Variants in DACH2 observed in about 807,000 individuals in gnomAD.
DACH2 encodes the protein dachshund family transcription factor 2.
A neutral mutation model predicts 35.8 loss-of-function variants in DACH2; 17 were observed. That is an observed-to-expected ratio of 0.48 (90% CI 0.33 to 0.71). DACH2 has a LOEUF of 0.71. DACH2 is among the 30% of genes least tolerant of loss of function. The probability of loss-of-function intolerance (pLI) is 0.02; values close to 1 mark genes in which losing one functional copy is unlikely to be tolerated. For synonymous variants in DACH2, 195 were observed against 177.3 expected (o/e 1.10, Z -0.79); for missense variants, 469 against 472.7 (o/e 0.99, Z 0.07).
chrX:86,554,772 C>T (rs1379251880), intron 3 of DACH2, among the ~76,000 whole-genome samples: 1 of 111,461 alleles, frequency 9.0e-6, no homozygotes, highest in Non-Finnish European at 1.9e-5. Context: ...CATGCTTGCC[C>T]TGCTTATTTC....
intron 4 of DACH2, among the ~76,000 whole-genome samples, chrX:86,685,762 C>T (rs143390393): frequency 1.2e-3 from 133 of 110,321 alleles, no homozygotes; most frequent in African/African-American, 4.1e-3. Flanking sequence ...AGGGTGAGGG[C>T]GAGGTTCCAC....
intron 3 of DACH2, among the ~76,000 whole-genome samples, chrX:86,637,360 A>G (rs2040285951): frequency 9.1e-6 from 1 of 109,367 alleles, no homozygotes; most frequent in African/African-American, 3.3e-5. Flanking sequence ...GACCCAAAAA[A>G]AATATACTAT....
chrX:86,741,058 A>G (rs902136511), intron 7 of DACH2, among the ~76,000 whole-genome samples: 2 of 111,759 alleles, frequency 1.8e-5, no homozygotes, highest in African/African-American at 3.3e-5. Context: ...TCCTTTCAGG[A>G]AAATGATTTT....
At chrX:86,653,315 G>A (rs959496843) in intron 4 of DACH2, among the ~76,000 whole-genome samples, 2 of 111,683 alleles carry the variant, frequency 1.8e-5, no homozygotes, top group African/African-American at 6.5e-5. Context: ...TGTAGTATGC[G>A]GTTTTGTTTA....
intron 2 of DACH2, among the ~76,000 whole-genome samples, chrX:86,413,318 G>A (rs1295423422): frequency 8.9e-6 from 1 of 112,048 alleles, no homozygotes; most frequent in Non-Finnish European, 1.9e-5. Flanking sequence ...TATATTGCTG[G>A]TCTCGCCAGC....
intron 3 of DACH2, among the ~76,000 whole-genome samples, chrX:86,546,854 G>A (rs1280029436): frequency 1.8e-5 from 2 of 109,797 alleles, no homozygotes; most frequent in Non-Finnish European, 3.8e-5. Flanking sequence ...CAGATGCCTC[G>A]TATTTTCAAA....
At chrX:86,538,434 T>C (rs985763847) in intron 3 of DACH2, among the ~76,000 whole-genome samples, 2 of 112,077 alleles carry the variant, frequency 1.8e-5, no homozygotes, top group African/African-American at 6.5e-5. Flanking sequence ...CAGGTACTTG[T>C]TATTAACAAT....
At chrX:86,667,348 A>AGGAAGGAG (rs2040687664) in intron 4 of DACH2, among the ~76,000 whole-genome samples, 1 of 82,551 alleles carries the variant, frequency 1.2e-5, no homozygotes, top group Non-Finnish European at 2.4e-5. Context: ...GAAGGAAGGA[A>AGGAAGGAG]GGAAGGAAGA....
intron 1 of DACH2, among the ~76,000 whole-genome samples, chrX:86,289,676 GT>G (rs1216577012): frequency 3.9e-5 from 4 of 102,915 alleles, no homozygotes; most frequent in Non-Finnish European, 7.8e-5. Flanking sequence ...GCGGTGTTTG[GT>G]TTTTTCTTCT....
chrX:86,297,621 A>C (rs745880939), intron 1 of DACH2, among the ~76,000 whole-genome samples: 2 of 112,105 alleles, frequency 1.8e-5, no homozygotes, highest in Non-Finnish European at 3.8e-5. Flanking sequence ...TAAGTGTGTT[A>C]AATTGGTGAT....
chrX:86,318,058 C>G (rs1000587517), intron 1 of DACH2, among the ~76,000 whole-genome samples: 1 of 112,262 alleles, frequency 8.9e-6, no homozygotes, highest in Non-Finnish European at 1.9e-5. Context: ...TCTTATTGCA[C>G]TGATGCAAAC....
chrX:86,485,478 G>T (rs1261787535), intron 2 of DACH2, among the ~76,000 whole-genome samples: 2 of 111,365 alleles, frequency 1.8e-5, no homozygotes, highest in Non-Finnish European at 3.8e-5. Flanking sequence ...GATGACCAGA[G>T]TTAGCAGTAA....
At chrX:86,678,204 G>A (rs2040842463) in intron 4 of DACH2, among the ~76,000 whole-genome samples, 2 of 112,066 alleles carry the variant, frequency 1.8e-5, no homozygotes, top group African/African-American at 6.5e-5. Context: ...TTCCCACTGA[G>A]CACTGTAACC....
At chrX:86,506,024 G>T (rs1442155313) in intron 2 of DACH2, among the ~76,000 whole-genome samples, 1 of 111,712 alleles carries the variant, frequency 9.0e-6, no homozygotes, top group African/African-American at 3.3e-5. Flanking sequence ...GATTTCTGTT[G>T]CTATACAACA....
At chrX:86,774,712 G>A (rs1022536096) in intron 7 of DACH2, among the ~76,000 whole-genome samples, 1 of 111,909 alleles carries the variant, frequency 8.9e-6, no homozygotes, top group Non-Finnish European at 1.9e-5. Flanking sequence ...TGGTAAGTGG[G>A]AGGCATTAGC....
At chrX:86,413,463 C>T (rs1481018408) in intron 2 of DACH2, among the ~76,000 whole-genome samples, 1 of 111,609 alleles carries the variant, frequency 9.0e-6, no homozygotes, top group East Asian at 2.8e-4. Flanking sequence ...GGTACAGCAG[C>T]TACAATTGGA....
At chrX:86,296,184 C>A (rs2034450756) in intron 1 of DACH2, among the ~76,000 whole-genome samples, 1 of 105,686 alleles carries the variant, frequency 9.5e-6, no homozygotes, top group Non-Finnish European at 1.9e-5. Flanking sequence ...TCGAGACCAT[C>A]CTGGCTAACA....
chrX:86,703,331 T>A (rs1213965619), intron 5 of DACH2, among the ~76,000 whole-genome samples: 1 of 111,361 alleles, frequency 9.0e-6, no homozygotes, highest in Non-Finnish European at 1.9e-5. Flanking sequence ...GGTCATACAC[T>A]GGTGGCATTT....
chrX:86,386,430 C>G, intron 2 of DACH2, among the ~76,000 whole-genome samples: 1 of 110,836 alleles, frequency 9.0e-6, no homozygotes, highest in East Asian at 2.8e-4. Flanking sequence ...AAAGTTTACT[C>G]TCTTTCTTTT....
Sources: allele counts gnomAD v4.1 joint callset (sites outside exome capture counted in the v4.1 genomes callset), GRCh38; gene constraint gnomAD v4.1.1; transcripts MANE v1.5; gene names NCBI Gene and HGNC (gene_info 2026-07-23, HGNC 2026-07-21).